SLC45A4: variants seen among roughly 807,000 people sequenced by gnomAD.
SLC45A4 encodes solute carrier family 45 member 4, also known as polyamine-transporter SLC45A4.
SLC45A4 carries 32 observed loss-of-function variants against 63.7 expected under a neutral mutation model. The ratio of observed to expected loss-of-function variants is 0.50; its 90% confidence interval spans 0.38 to 0.67. The LOEUF (loss-of-function observed/expected upper bound fraction) is 0.67, where lower values mean the gene tolerates loss of function less well. Ranked by LOEUF, SLC45A4 falls within the 30% of genes least tolerant of loss-of-function variation. SLC45A4 has a pLI of 0.00. For missense variants in SLC45A4, 1,027 were observed against 1,157.7 expected, an observed-to-expected ratio of 0.89 and a Z score of 1.64; for synonymous variants, 535 against 510.0, an observed-to-expected ratio of 1.05 and a Z score of -0.66.
intron 2 of SLC45A4, among the ~76,000 whole-genome samples, chr8:141,222,031 C>T (rs1434498518): frequency 2.0e-5 from 3 of 152,258 alleles, no homozygotes; most frequent in African/African-American, 4.8e-5. Context: ...TGCACTGGCC[C>T]GAGCCTAAGG....
chr8:141,292,820 A>G (rs1482156846), intron 1 of SLC45A4: 1 of 152,264 alleles, frequency 6.6e-6, no homozygotes, highest in Non-Finnish European at 1.5e-5. Flanking sequence ...ACCACACCCT[A>G]TCAACGCTGA....
At chr8:141,273,442 G>A (rs894365907) in intron 1 of SLC45A4, among the ~76,000 whole-genome samples, 8 of 152,124 alleles carry the variant, frequency 5.3e-5, no homozygotes, top group Admixed American at 1.3e-4. Context: ...TAAGCCCTAG[G>A]ATAAACTAGG....
chr8:141,267,790 A>C (rs1829339056), intron 1 of SLC45A4, among the ~76,000 whole-genome samples: 1 of 149,228 alleles, frequency 6.7e-6, no homozygotes, highest in African/African-American at 2.6e-5. Flanking sequence ...AGAATGGCCA[A>C]AGCTTAGGGC....
chr8:141,257,554 C>T (rs1311739231), intron 1 of SLC45A4, among the ~76,000 whole-genome samples: 1 of 152,222 alleles, frequency 6.6e-6, no homozygotes, highest in Admixed American at 6.5e-5. Context: ...AGACTTGTGC[C>T]TGAAGTGAAG....
chr8:141,212,269 G>A lies in SLC45A4; in HGVS notation c.2229C>T (p.Asn743=). 1.3e-6 allele frequency: 2 copies of A among 1,598,308 alleles called. No individual in the cohort carries two copies. The highest frequency in any genetic ancestry group is 1.7e-6 in the Non-Finnish European group (2 of 1,171,178). The change falls in exon 8 of 9, where the codon AAC becomes AAT. Residue 743 remains asparagine, a synonymous_variant. Transcript: ENST00000517878. ...GCTTCAGCACGGTGGGCTTTTCGCTGTTCCCACCGGCCCTGCCTTCGCCGG... is the reference window on the plus strand; with the variant it reads ...GCTTCAGCACGGTGGGCTTTTCGCTATTCCCACCGGCCCTGCCTTCGCCGG... ...PLAGEGRAGG[N]SEKPTVLKLT...
At position 141,254,346 on chromosome 8, in the gene SLC45A4, G is replaced by T; in HGVS notation, c.-117C>A. The stretch of plus-strand genomic sequence containing the variant: ...TTTCTGCTTCTGCTGTGTTCCTCGG[G>T]CAGGTAACACTTACATTCCTCTTTG... On this transcript the variant is annotated 5_prime_UTR_variant, in exon 2 of 9. An upstream open reading frame in the 5' UTR gains an earlier in-frame stop. Transcript: ENST00000517878. This position sits in a 1 kb window ranked among gnomAD's most constrained non-coding sequence, Gnocchi z 4.5. 8.3e-7 allele frequency: 1 copy of T among 1,199,514 alleles called. No homozygotes were observed. The highest frequency in any genetic ancestry group is 1.1e-6 in the Non-Finnish European group (1 of 883,400). 74.3% of individuals were successfully genotyped at this position (1,199,514 alleles called of 1,614,324 possible).
intron 1 of SLC45A4, among the ~76,000 whole-genome samples, chr8:141,287,625 C>T (rs374801963): frequency 2.4e-4 from 36 of 152,344 alleles, no homozygotes; most frequent in South Asian, 4.1e-4. Flanking sequence ...ATCTTCTGTG[C>T]GGCATCTTTT....
At position 141,245,449 on chromosome 8, in the gene SLC45A4, C is replaced by A. The variant is rs114768684; in HGVS notation, c.241+8540G>T. ...AATTCATCACTCAACGAACAATGGG[C>A]CTTCCGCTCCATCACGTCTTCTGTC... On this transcript the variant is annotated intron_variant, in intron 2 of 8. Coordinates refer to ENST00000517878, the MANE Select transcript of SLC45A4 (RefSeq NM_001286646.2). Among the ~76,000 whole-genome samples the A allele has an allele frequency of 1.2e-3, 187 of 152,276 alleles. 1 individual carries two copies. The highest frequency in any genetic ancestry group is 6.8e-3 in the Middle Eastern group (2 of 294).
intron 2 of SLC45A4, among the ~76,000 whole-genome samples, chr8:141,244,842 G>A (rs368139079): frequency 4.6e-5 from 7 of 151,982 alleles, no homozygotes; most frequent in South Asian, 4.2e-4. Flanking sequence ...GGGCAGAGCC[G>A]GAAACCAGGC....
chr8:141,258,081 T>A (rs1262082129), intron 1 of SLC45A4, among the ~76,000 whole-genome samples: 1 of 135,124 alleles, frequency 7.4e-6, no homozygotes, highest in Non-Finnish European at 1.6e-5. Context: ...TTTTTTTTTT[T>A]TAACAATCCT....
At chr8:141,237,782 G>C (rs182331871) in intron 2 of SLC45A4, among the ~76,000 whole-genome samples, 2 of 152,110 alleles carry the variant, frequency 1.3e-5, no homozygotes, top group South Asian at 4.2e-4. Flanking sequence ...TCACGTGCTC[G>C]TATCTCCAAG....
intron 1 of SLC45A4, among the ~76,000 whole-genome samples, chr8:141,277,373 G>A (rs1045112664): frequency 2.0e-5 from 3 of 152,226 alleles, no homozygotes; most frequent in African/African-American, 7.2e-5. Flanking sequence ...GATGGACAAA[G>A]GTTCATGAAG....
At chr8:141,296,771 G>C (rs958762505) in intron 1 of SLC45A4, among the ~76,000 whole-genome samples, 1 of 148,622 alleles carries the variant, frequency 6.7e-6, no homozygotes, top group South Asian at 2.1e-4. Flanking sequence ...ACGAGGCAGA[G>C]GTTGCAGTGA....
chr8:141,216,257 C>CCTGCCAGGCCA (rs991188751), intron 6 of SLC45A4, among the ~76,000 whole-genome samples: 2 of 152,252 alleles, frequency 1.3e-5, no homozygotes, highest in African/African-American at 4.8e-5. Flanking sequence ...GGCCCCCTGC[C>CCTGCCAGGCCA]CTGCCAGGCC....
intron 1 of SLC45A4, among the ~76,000 whole-genome samples, chr8:141,283,608 C>A (rs1290428862): frequency 6.6e-6 from 1 of 152,244 alleles, no homozygotes; most frequent in East Asian, 1.9e-4. Context: ...CACCACCGGG[C>A]TGTGGTCAGT....
chr8:141,230,423 T>G (rs915395389), intron 2 of SLC45A4: 1 of 321,350 alleles, frequency 3.1e-6, no homozygotes, highest in Non-Finnish European at 6.1e-6. Flanking sequence ...AACAGGGCCC[T>G]GCACACTCAC....
intron 1 of SLC45A4, among the ~76,000 whole-genome samples, chr8:141,269,140 G>A (rs942017358): frequency 1.3e-5 from 2 of 152,202 alleles, no homozygotes; most frequent in South Asian, 2.1e-4. Context: ...CACCTCACCC[G>A]ACAGCTCCAG....
At chr8:141,251,053 A>T (rs1828442213) in intron 2 of SLC45A4, among the ~76,000 whole-genome samples, 1 of 152,176 alleles carries the variant, frequency 6.6e-6, no homozygotes, top group Admixed American at 6.5e-5. Flanking sequence ...ACATCAACTT[A>T]TTCTCAGGAA....
intron 1 of SLC45A4, among the ~76,000 whole-genome samples, chr8:141,273,299 GGTGT>G (rs1829608746): frequency 6.6e-6 from 1 of 152,182 alleles, no homozygotes; most frequent in Non-Finnish European, 1.5e-5. Flanking sequence ...GCACTGACCT[GGTGT>G]GTGTGCCAGG....
Sources: gnomAD v4.1 joint callset for allele counts (sites outside exome capture counted in the v4.1 genomes callset) on GRCh38, gnomAD v4.1.1 for gene constraint, Gnocchi (gnomAD v3.1) non-coding constraint, MANE v1.5 for transcripts, NCBI Gene and HGNC (gene_info 2026-07-23, HGNC 2026-07-21) for gene names.